Variants in PTPRN2 observed in about 807,000 individuals in gnomAD.
The protein encoded by PTPRN2 is protein tyrosine phosphatase receptor type N2.
In PTPRN2, 74 loss-of-function variants were observed where a neutral mutation model predicts 118.8. That is an observed-to-expected ratio of 0.62 (90% CI 0.52 to 0.76). PTPRN2 has a LOEUF of 0.76. Ranked by LOEUF, PTPRN2 falls within the 30% of genes least tolerant of loss-of-function variation. The pLI, the probability that PTPRN2 is intolerant of heterozygous loss-of-function variation, is 0.00. For missense variants in PTPRN2, 1,481 were observed against 1,394.4 expected (o/e 1.06, Z -0.99); for synonymous variants, 641 against 608.0 (o/e 1.05, Z -0.80).
intron 12 of PTPRN2, among the ~76,000 whole-genome samples, chr7:157,699,479 G>A (rs1351929718): frequency 1.3e-5 from 2 of 152,134 alleles, no homozygotes; most frequent in Admixed American, 1.3e-4. Flanking sequence ...TGTCACCCAG[G>A]CTGGAGTGCA....
intron 2 of PTPRN2, among the ~76,000 whole-genome samples, chr7:158,360,107 C>G (rs1808761662): frequency 2.4e-5 from 3 of 127,552 alleles, no homozygotes; most frequent in East Asian, 2.3e-4. Flanking sequence ...CGCACAGACC[C>G]CACATCCACC....
In PTPRN2 at chr7:157,893,636, C is replaced by T. The variant is rs1796936031; in HGVS notation, c.1788+5037G>A. On this transcript the variant is annotated intron_variant, in intron 12 of 22. Transcript: ENST00000389418. This position sits in a 1 kb window ranked among gnomAD's most constrained non-coding sequence, Gnocchi z 4.0. ...GGAAGATCAAGAGCCCTGCGTGGCC[C>T]ACTTTAAGTGTGAGGCTCCTCTACA... Among the ~76,000 whole-genome samples, 1 of 152,180 alleles carries T rather than the reference C, an allele frequency of 6.6e-6. No homozygotes were observed. The highest frequency in any genetic ancestry group is 1.5e-5 in the Non-Finnish European group (1 of 68,038).
chr7:157,798,436 G>A (rs1023107281), intron 12 of PTPRN2, among the ~76,000 whole-genome samples: 11 of 151,964 alleles, frequency 7.2e-5, no homozygotes, highest in Non-Finnish European at 1.6e-4. Flanking sequence ...GTTTGCATCA[G>A]TAACAGACCG....
At chr7:157,941,079 A>T (rs1251482407) in intron 11 of PTPRN2, among the ~76,000 whole-genome samples, 1 of 50,810 alleles carries the variant, frequency 2.0e-5, no homozygotes, top group African/African-American at 9.9e-5. Context: ...TGCAAATCTA[A>T]CACCCTCCCC....
At chr7:158,331,438 T>C (rs868830179) in intron 2 of PTPRN2, among the ~76,000 whole-genome samples, 326 of 73,922 alleles carry the variant, frequency 4.4e-3, no homozygotes, top group Middle Eastern at 0.014. Flanking sequence ...CTCACACCCA[T>C]ACTCTCACCA....
At chr7:157,544,866 T>C (rs1798201590) in intron 22 of PTPRN2, among the ~76,000 whole-genome samples, 1 of 151,674 alleles carries the variant, frequency 6.6e-6, no homozygotes, top group Non-Finnish European at 1.5e-5. Flanking sequence ...CAGCTGTGTG[T>C]GGATGTGCAT....
intron 21 of PTPRN2, among the ~76,000 whole-genome samples, chr7:157,552,115 C>T (rs1340309746): frequency 1.4e-5 from 2 of 141,294 alleles, no homozygotes; most frequent in African/African-American, 5.3e-5. Context: ...CACTGCACAC[C>T]CTGTGGTCAC....
chr7:157,732,902 T>G (rs374575988), intron 12 of PTPRN2, among the ~76,000 whole-genome samples: 1 of 7,258 alleles, frequency 1.4e-4, no homozygotes, highest in Non-Finnish European at 2.3e-4. Flanking sequence ...TCCCGTCCCA[T>G]GCGCCCAGCA....
intron 1 of PTPRN2, among the ~76,000 whole-genome samples, chr7:158,523,272 A>G (rs564044788): frequency 1.7e-3 from 254 of 152,292 alleles, no homozygotes; most frequent in Middle Eastern, 3.4e-3. Context: ...TGGTGCAGAC[A>G]CGTCCCACGG....
chr7:157,977,098 A>G lies in PTPRN2; in HGVS notation c.1724-78361T>C, dbSNP rs1390756786. Among the ~76,000 whole-genome samples the G allele has an allele frequency of 6.6e-6, 1 of 151,990 alleles. No homozygotes were observed. The highest frequency in any genetic ancestry group is 6.6e-5 in the Admixed American group (1 of 15,256). On this transcript the variant is annotated intron_variant, in intron 11 of 22. Coordinates refer to ENST00000389418, the MANE Select transcript of PTPRN2 (RefSeq NM_002847.5). This position sits in a 1 kb window ranked among gnomAD's most constrained non-coding sequence, Gnocchi z 4.6. ...AAATAAAACAGATGCAAGGGTAGGA[A>G]CCACAGCTAATAGTCCATGAATCTA...
chr7:158,031,264 C>G (rs867529541), intron 11 of PTPRN2: 3 of 152,196 alleles, frequency 2.0e-5, no homozygotes, highest in Non-Finnish European at 4.4e-5. Flanking sequence ...ATGGAGACAT[C>G]AATGGTGAGG....
At chr7:158,158,377 A>G (rs1313067202) in intron 6 of PTPRN2, among the ~76,000 whole-genome samples, 1 of 152,234 alleles carries the variant, frequency 6.6e-6, no homozygotes, top group Non-Finnish European at 1.5e-5. Context: ...CACCAACACG[A>G]CAAGGAAGTG....
intron 4 of PTPRN2, among the ~76,000 whole-genome samples, chr7:158,195,483 A>G (rs1826141329): frequency 6.6e-6 from 1 of 152,048 alleles, no homozygotes; most frequent in African/African-American, 2.4e-5. Flanking sequence ...CTGTGAGTTT[A>G]TCATTTTTAT....
intron 3 of PTPRN2, among the ~76,000 whole-genome samples, chr7:158,272,264 G>A (rs1798563400): frequency 6.6e-6 from 1 of 152,282 alleles, no homozygotes; most frequent in African/African-American, 2.4e-5. Flanking sequence ...CGCGTCTCCG[G>A]GGCCCGGGCA....
At chr7:157,840,478 G>T (rs1327728448) in intron 12 of PTPRN2, among the ~76,000 whole-genome samples, 1 of 151,540 alleles carries the variant, frequency 6.6e-6, no homozygotes, top group African/African-American at 2.4e-5. Flanking sequence ...GTGGCCACGT[G>T]TGACTGTGTG....
intron 12 of PTPRN2, among the ~76,000 whole-genome samples, chr7:157,866,329 CAT>C (rs377617660): frequency 6.7e-4 from 102 of 152,244 alleles, no homozygotes; most frequent in African/African-American, 2.2e-3. Context: ...CATACACACA[CAT>C]GCATATGCAG....
chr7:158,205,322 C>G (rs200839835), intron 3 of PTPRN2, 49 bp from the exon 4 acceptor site: 10 of 1,383,162 alleles, frequency 7.2e-6, no homozygotes, highest in Non-Finnish European at 1.0e-5. Context: ...GAAATTTAGC[C>G]AAAGCTCTTG....
intron 1 of PTPRN2, among the ~76,000 whole-genome samples, chr7:158,538,786 G>T (rs973618826): frequency 3.4e-4 from 51 of 152,172 alleles, no homozygotes; most frequent in African/African-American, 1.2e-3. Context: ...CCTCGTGCAG[G>T]GCCCTGACTC....
intron 15 of PTPRN2, among the ~76,000 whole-genome samples, chr7:157,613,843 G>GC (rs1003767780): frequency 3.9e-5 from 6 of 152,048 alleles, no homozygotes; most frequent in Admixed American, 2.0e-4. Context: ...CCGTCCTGCG[G>GC]CCCCCCCACA....
Sources: allele counts gnomAD v4.1 joint callset (sites outside exome capture counted in the v4.1 genomes callset), GRCh38; gene constraint gnomAD v4.1.1; non-coding constraint Gnocchi (gnomAD v3.1); transcripts MANE v1.5; gene names NCBI Gene and HGNC (gene_info 2026-07-23, HGNC 2026-07-21).